STPG2: variants seen among roughly 807,000 people sequenced by gnomAD.
STPG2 encodes the protein sperm-tail PG-rich repeat-containing protein 2.
Under a neutral mutation model 54.2 loss-of-function variants are expected in STPG2, and 56 were observed. The observed-to-expected ratio is 1.03, with a 90% CI of 0.83 to 1.29. The LOEUF is 1.29. STPG2 is among the 50% of genes most tolerant of loss of function. STPG2 has a pLI of 0.00. For missense variants in STPG2, 596 were observed against 544.9 expected, an observed-to-expected ratio of 1.09 and a Z score of -0.93; for synonymous variants, 200 against 181.8, an observed-to-expected ratio of 1.10 and a Z score of -0.81.
At chr4:97,827,539 C>G (rs919520376) in intron 9 of STPG2, among the ~76,000 whole-genome samples, 4 of 152,116 alleles carry the variant, frequency 2.6e-5, no homozygotes, top group Non-Finnish European at 5.9e-5. Flanking sequence ...CCGGCCTAGA[C>G]AGCTTTTAAC....
chr4:97,571,946 A>G (rs2148884235), intron 10 of STPG2, among the ~76,000 whole-genome samples: 1 of 152,310 alleles, frequency 6.6e-6, no homozygotes, highest in South Asian at 2.1e-4. Flanking sequence ...TATCCAAGGT[A>G]TATATCTATG....
At chr4:97,538,317 G>A (rs567788028) in intron 4 of STPG2, among the ~76,000 whole-genome samples, 114 of 152,096 alleles carry the variant, frequency 7.5e-4, no homozygotes, top group Non-Finnish European at 1.4e-3. Context: ...AATGGCTAAT[G>A]AGAACAACCG....
At chr4:97,918,505 C>G (rs902300963) in intron 8 of STPG2, among the ~76,000 whole-genome samples, 2 of 151,896 alleles carry the variant, frequency 1.3e-5, no homozygotes, top group African/African-American at 4.8e-5. Context: ...TAGGTCCATG[C>G]TGTGTATGTG....
intron 5 of STPG2, among the ~76,000 whole-genome samples, chr4:98,059,624 T>C (rs4699594): frequency 0.4 from 58,672 of 147,096 alleles, 11,823 homozygotes; most frequent in Middle Eastern, 0.47. Context: ...GGCCAATATC[T>C]TTGATGAATA....
intron 9 of STPG2, among the ~76,000 whole-genome samples, chr4:97,727,867 G>A (rs144260492): frequency 0.011 from 1,656 of 151,750 alleles, 15 homozygotes; most frequent in Middle Eastern, 0.017. Flanking sequence ...TTCCAGTTAA[G>A]AAGCACAAAT....
At chr4:97,538,447 C>A (rs891917590) in intron 4 of STPG2, among the ~76,000 whole-genome samples, 1 of 151,790 alleles carries the variant, frequency 6.6e-6, no homozygotes, top group Non-Finnish European at 1.5e-5. Flanking sequence ...TATCAGGGAT[C>A]GAAGATCAAA....
intron 5 of STPG2, among the ~76,000 whole-genome samples, chr4:98,060,445 T>G (rs112529285): frequency 1.1e-4 from 16 of 152,146 alleles, no homozygotes; most frequent in Non-Finnish European, 2.2e-4. Context: ...AAACATCCCA[T>G]GCTCACGGAT....
intron 8 of STPG2, among the ~76,000 whole-genome samples, chr4:97,856,395 C>A (rs1392501349): frequency 6.6e-6 from 1 of 152,050 alleles, no homozygotes; most frequent in Non-Finnish European, 1.5e-5. Flanking sequence ...TAGCTGTATT[C>A]CTAGGTATTT....
At chr4:97,515,308 G>A (rs112332345) in intron 4 of STPG2, among the ~76,000 whole-genome samples, 1,816 of 152,062 alleles carry the variant, frequency 0.012, 35 homozygotes, top group African/African-American at 0.042. Context: ...ATTCAGAAAT[G>A]TATACCCATT....
At chr4:97,925,233 T>A (rs1449133988) in intron 8 of STPG2, among the ~76,000 whole-genome samples, 1 of 152,210 alleles carries the variant, frequency 6.6e-6, no homozygotes, top group Non-Finnish European at 1.5e-5. Context: ...AGGAATTAAG[T>A]TGTTAGAATC....
chr4:97,960,754 G>A (rs1733854873), intron 7 of STPG2, among the ~76,000 whole-genome samples: 1 of 152,094 alleles, frequency 6.6e-6, no homozygotes, highest in Non-Finnish European at 1.5e-5. Flanking sequence ...AATCAATATT[G>A]TGAAAATGAC....
intron 5 of STPG2, among the ~76,000 whole-genome samples, chr4:98,006,820 G>A (rs1462764600): frequency 3.3e-5 from 5 of 152,196 alleles, no homozygotes; most frequent in Non-Finnish European, 5.9e-5. Flanking sequence ...TGGGAACTGA[G>A]CCCAATCAGT....
At chr4:97,770,305 G>C (rs1726179636) in intron 9 of STPG2, among the ~76,000 whole-genome samples, 1 of 152,174 alleles carries the variant, frequency 6.6e-6, no homozygotes, top group Non-Finnish European at 1.5e-5. Context: ...GCAGTTATCA[G>C]GAAAGGCTTC....
chr4:98,106,607 T>C (rs552494532), intron 4 of STPG2, among the ~76,000 whole-genome samples: 1 of 152,248 alleles, frequency 6.6e-6, no homozygotes, highest in African/African-American at 2.4e-5. Context: ...GATCCCAGCA[T>C]TGCTACCTAC....
intron 3 of STPG2, among the ~76,000 whole-genome samples, chr4:98,126,947 A>G (rs2110160916): frequency 6.6e-6 from 1 of 152,160 alleles, no homozygotes; most frequent in Non-Finnish European, 1.5e-5. Context: ...ATTATTTTTT[A>G]AAAAGAAACA....
At chr4:97,792,154 C>T (rs371657604) in intron 9 of STPG2, among the ~76,000 whole-genome samples, 1 of 152,008 alleles carries the variant, frequency 6.6e-6, no homozygotes, top group Non-Finnish European at 1.5e-5. Context: ...CCAGCAAAAC[C>T]ATATTGCAAG....
intron 4 of STPG2, among the ~76,000 whole-genome samples, chr4:97,486,807 G>A (rs1251686933): frequency 8.1e-5 from 3 of 37,094 alleles, no homozygotes; most frequent in African/African-American, 1.6e-4. Flanking sequence ...AAACTGTGGT[G>A]TGTGTGTGTG....
intron 10 of STPG2, among the ~76,000 whole-genome samples, chr4:97,676,577 AGGAG>A (rs374083842): frequency 2.2e-4 from 13 of 60,072 alleles, no homozygotes; most frequent in African/African-American, 7.0e-4. Context: ...AAGGAAGGAA[AGGAG>A]GGAGGGAGGG....
At chr4:97,969,235 G>T (rs1043530711) in intron 7 of STPG2, among the ~76,000 whole-genome samples, 3 of 152,166 alleles carry the variant, frequency 2.0e-5, no homozygotes, top group South Asian at 4.1e-4. Flanking sequence ...CTAATCATAG[G>T]TTATGGAAAG....
Sources: allele counts gnomAD v4.1 joint callset (sites outside exome capture counted in the v4.1 genomes callset), GRCh38; gene constraint gnomAD v4.1.1; transcripts MANE v1.5; gene names NCBI Gene and HGNC (gene_info 2026-07-23, HGNC 2026-07-21).